Variants in ARHGAP10 observed in about 807,000 individuals in gnomAD.
The protein encoded by ARHGAP10 is Rho GTPase activating protein 10.
In ARHGAP10, 87 loss-of-function variants were observed where a neutral mutation model predicts 108.6. The ratio of observed to expected loss-of-function variants is 0.80; its 90% CI spans 0.67 to 0.96. ARHGAP10 has a LOEUF of 0.96. Ranked by LOEUF, ARHGAP10 falls within the 40% of genes least tolerant of loss-of-function variation. The probability of loss-of-function intolerance (pLI) is 0.00; values close to 1 mark genes in which losing one functional copy is unlikely to be tolerated. For missense variants in ARHGAP10, 939 were observed against 954.5 expected (o/e 0.98, Z 0.21); for synonymous variants, 347 against 341.1 (o/e 1.02, Z -0.19).
At chr4:147,773,403 C>T (rs896193237) in intron 1 of ARHGAP10, among the ~76,000 whole-genome samples, 4 of 152,100 alleles carry the variant, frequency 2.6e-5, no homozygotes, top group African/African-American at 4.8e-5. Context: ...AAATAAACAT[C>T]CCTTGGAATG....
chr4:147,868,615 T>C (rs1385570027), intron 7 of ARHGAP10, among the ~76,000 whole-genome samples: 1 of 152,142 alleles, frequency 6.6e-6, no homozygotes, highest in African/African-American at 2.4e-5. Flanking sequence ...TTCACGTAAG[T>C]GGTCCCCAAC....
intron 4 of ARHGAP10, among the ~76,000 whole-genome samples, chr4:147,847,550 T>C (rs1733686434): frequency 6.6e-6 from 1 of 152,164 alleles, no homozygotes; most frequent in Non-Finnish European, 1.5e-5. Context: ...CGCACCTCAG[T>C]TTTATGGAGG....
intron 4 of ARHGAP10, among the ~76,000 whole-genome samples, chr4:147,849,944 A>T (rs1733792178): frequency 6.6e-6 from 1 of 152,228 alleles, no homozygotes; most frequent in Non-Finnish European, 1.5e-5. Flanking sequence ...AGGTGAAGCC[A>T]GCTGGGCTTC....
intron 18 of ARHGAP10, among the ~76,000 whole-genome samples, chr4:147,973,980 A>G (rs2149621101): frequency 6.6e-6 from 1 of 152,276 alleles, no homozygotes; most frequent in South Asian, 2.1e-4. Context: ...GATGATTGTG[A>G]ATAGTGCTGC....
At chr4:147,990,767 A>G (rs552403255) in intron 18 of ARHGAP10, among the ~76,000 whole-genome samples, 48 of 152,268 alleles carry the variant, frequency 3.2e-4, no homozygotes, top group African/African-American at 1.0e-3. Context: ...GCCGAGGTCT[A>G]CTTGAGGGAC....
At chr4:147,813,212 A>G (rs979413473) in intron 1 of ARHGAP10, among the ~76,000 whole-genome samples, 1 of 152,046 alleles carries the variant, frequency 6.6e-6, no homozygotes, top group Admixed American at 6.6e-5. Context: ...TTGGCCTTTA[A>G]GGGATGTTTT....
In ARHGAP10 at chr4:147,949,981, C is replaced by T. The variant is rs28681245; in HGVS notation, c.1391+3277C>T. Among the ~76,000 whole-genome samples the T allele has an allele frequency of 7.0e-3, 1,065 of 152,126 alleles. 16 individuals are homozygous for T. The highest frequency in any genetic ancestry group is 0.025 in the African/African-American group (1,023 of 41,494). The stretch of plus-strand genomic sequence containing the variant: ...TCTCGGAAGCTGGTTCCTTATTGCC[C>T]CTGGTCTTGTGTTGCTTTTTCTGTC... On this transcript the variant is annotated intron_variant, in intron 15 of 22. Coordinates refer to ENST00000336498, the MANE Select transcript of ARHGAP10 (RefSeq NM_024605.4).
At chr4:147,751,962 T>A (rs1729170955) in intron 1 of ARHGAP10, among the ~76,000 whole-genome samples, 1 of 150,482 alleles carries the variant, frequency 6.6e-6, no homozygotes, top group Non-Finnish European at 1.5e-5. Flanking sequence ...CTCGACTCAC[T>A]GCCACCTCTG....
chr4:147,876,997 C>T (rs1735094784), intron 8 of ARHGAP10, among the ~76,000 whole-genome samples: 1 of 152,154 alleles, frequency 6.6e-6, no homozygotes, highest in South Asian at 2.1e-4. Context: ...CCGTAAATTG[C>T]TTGGCGCTTG....
rs1738362318 is a variant in ARHGAP10 at position 147,945,981 on chromosome 4, C to T, written c.1304-636C>T. 3.3e-5 allele frequency among the ~76,000 whole-genome samples: 5 copies of T among 152,146 alleles called. No individual in the cohort carries two copies. The South Asian group carries it at 1.0e-3, about 32-fold the overall frequency. On this transcript the variant is annotated intron_variant, in intron 14 of 22. Coordinates refer to ENST00000336498, the MANE Select transcript of ARHGAP10 (RefSeq NM_024605.4). Reference sequence around the variant, plus strand: ...TCCTCCTTTGCATAAGGCGGGAATTCCCAGTAGCTCCACCCTGTTCCCCCA... The same window carrying T: ...TCCTCCTTTGCATAAGGCGGGAATTTCCAGTAGCTCCACCCTGTTCCCCCA...
At chr4:148,046,379 G>T (rs746319678) in intron 19 of ARHGAP10, among the ~76,000 whole-genome samples, 1 of 152,224 alleles carries the variant, frequency 6.6e-6, no homozygotes, top group African/African-American at 2.4e-5. Flanking sequence ...GTTTGTCTAT[G>T]TGTGGGATTT....
At chr4:147,934,599 G>C (rs1737853478) in intron 13 of ARHGAP10, among the ~76,000 whole-genome samples, 1 of 152,216 alleles carries the variant, frequency 6.6e-6, no homozygotes, top group Admixed American at 6.5e-5. Context: ...ACTTTGGGAT[G>C]CCCTGAGGCA....
At chr4:148,021,506 A>G (rs1741565835) in intron 18 of ARHGAP10, among the ~76,000 whole-genome samples, 1 of 152,220 alleles carries the variant, frequency 6.6e-6, no homozygotes, top group South Asian at 2.1e-4. Flanking sequence ...CATCTGCCAT[A>G]TTTGTAAACA....
At chr4:147,875,316 A>C (rs1413005459) in intron 8 of ARHGAP10, among the ~76,000 whole-genome samples, 166 bp downstream of exon 8, 3 of 152,154 alleles carry the variant, frequency 2.0e-5, no homozygotes, top group African/African-American at 7.2e-5. Flanking sequence ...GGAGAAACAC[A>C]TTCCAGCCCT....
intron 4 of ARHGAP10, among the ~76,000 whole-genome samples, chr4:147,847,992 T>G (rs1733703009): frequency 6.6e-6 from 1 of 152,236 alleles, no homozygotes; most frequent in South Asian, 2.1e-4. Flanking sequence ...TTGACCATTT[T>G]TGGCTTGGCC....
At chr4:147,790,210 G>A (rs1028693747) in intron 1 of ARHGAP10, among the ~76,000 whole-genome samples, 1 of 151,920 alleles carries the variant, frequency 6.6e-6, no homozygotes, top group Non-Finnish European at 1.5e-5. Context: ...CTTGGGACAC[G>A]GGAAGAGAGA....
At chr4:147,847,827 C>A (rs970734265) in intron 4 of ARHGAP10, among the ~76,000 whole-genome samples, 1 of 152,158 alleles carries the variant, frequency 6.6e-6, no homozygotes, top group Non-Finnish European at 1.5e-5. Context: ...AGGAATAATG[C>A]AGTGGTTTTG....
chr4:148,050,595 G>A (rs530906348), intron 20 of ARHGAP10, among the ~76,000 whole-genome samples: 10 of 151,454 alleles, frequency 6.6e-5, no homozygotes, highest in Non-Finnish European at 1.5e-4. Flanking sequence ...GGATGGTCTC[G>A]ATCTCCTGAC....
intron 20 of ARHGAP10, among the ~76,000 whole-genome samples, chr4:148,058,441 T>C (rs1262719212): frequency 6.6e-6 from 1 of 152,236 alleles, no homozygotes; most frequent in African/African-American, 2.4e-5. Context: ...TTGCATTCAG[T>C]GCTTATACAG....
Sources: allele counts gnomAD v4.1 joint callset (sites outside exome capture counted in the v4.1 genomes callset), GRCh38; gene constraint gnomAD v4.1.1; transcripts MANE v1.5; gene names NCBI Gene and HGNC (gene_info 2026-07-23, HGNC 2026-07-21).